PDE4D: variants seen among roughly 807,000 people sequenced by gnomAD.
PDE4D encodes phosphodiesterase 4D, also known as 3',5'-cyclic-AMP phosphodiesterase 4D.
In PDE4D, 24 loss-of-function variants were observed where a neutral mutation model predicts 87.4. The observed-to-expected ratio is 0.27, with a 90% CI of 0.20 to 0.39. The LOEUF (loss-of-function observed/expected upper bound fraction) is 0.39, where lower values mean the gene tolerates loss of function less well. Ranked by LOEUF, PDE4D falls within the 10% of genes least tolerant of loss-of-function variation. PDE4D has a pLI of 1.00. For missense variants in PDE4D, 714 were observed against 1,041.0 expected (o/e 0.69, Z 4.32); for synonymous variants, 384 against 383.2 (o/e 1.00, Z -0.02).
chr5:59,267,012 CAA>C (rs1429422770), intron 1 of PDE4D, among the ~76,000 whole-genome samples: 1 of 150,006 alleles, frequency 6.7e-6, no homozygotes. Context: ...CATTGTCTGT[CAA>C]AGAGTAGATG....
At chr5:60,150,145 T>C (rs1781383818) in intron 2 of PDE4D, among the ~76,000 whole-genome samples, 2 of 151,120 alleles carry the variant, frequency 1.3e-5, no homozygotes, top group South Asian at 4.2e-4. Flanking sequence ...AAATGGACTA[T>C]ATAATATTCT....
chr5:58,973,527 A>AGCAAAACGTTATTAGGAGATACTAAGTAG lies in PDE4D; in HGVS notation c.*1108_*1136dup, dbSNP rs1742991005. ...TTGTGAAATGAACATCTAGTGACACAGCAAAACGTTATTAGGAGATACTAA... is the reference window on the plus strand; with the variant it reads ...TTGTGAAATGAACATCTAGTGACACAGCAAAACGTTATTAGGAGATACTAAGTAGGCAAAACGTTATTAGGAGATACTAA... On this transcript the variant is annotated 3_prime_UTR_variant, in exon 15 of 15. Coordinates refer to ENST00000340635, the MANE Select transcript of PDE4D (RefSeq NM_001104631.2). 6.6e-6 allele frequency: 1 copy of AGCAAAACGTTATTAGGAGATACTAAGTAG among 152,602 alleles called. No homozygotes were observed. Among genetic ancestry groups the AGCAAAACGTTATTAGGAGATACTAAGTAG allele is most frequent in the Non-Finnish European group, 1.5e-5 (1 of 68,006 alleles). 9.5% of individuals were successfully genotyped at this position (152,602 alleles called of 1,614,324 possible).
At chr5:59,056,243 C>T (rs559568520) in intron 5 of PDE4D, among the ~76,000 whole-genome samples, 3 of 152,210 alleles carry the variant, frequency 2.0e-5, no homozygotes, top group South Asian at 4.2e-4. Context: ...ATGCACAAAA[C>T]AGTCTTTTCT....
chr5:59,732,062 A>T (rs1757433057), intron 1 of PDE4D, among the ~76,000 whole-genome samples: 1 of 152,210 alleles, frequency 6.6e-6, no homozygotes. Flanking sequence ...AAATCTGTCT[A>T]GATAGATCAC....
At chr5:59,605,104 T>C (rs951618906) in intron 1 of PDE4D, among the ~76,000 whole-genome samples, 4 of 152,030 alleles carry the variant, frequency 2.6e-5, no homozygotes, top group Admixed American at 6.6e-5. Context: ...CCCGTAAACA[T>C]GTAACAGGGT....
At chr5:59,747,245 C>T (rs1759746828) in intron 1 of PDE4D, among the ~76,000 whole-genome samples, 1 of 152,154 alleles carries the variant, frequency 6.6e-6, no homozygotes, top group Admixed American at 6.6e-5. Flanking sequence ...CCCAATGAGT[C>T]CTCCAGTGCA....
chr5:60,478,867 T>C (rs1689502895), intron 1 of PDE4D, among the ~76,000 whole-genome samples: 1 of 152,198 alleles, frequency 6.6e-6, no homozygotes, highest in Non-Finnish European at 1.5e-5. Flanking sequence ...TCCATAAACA[T>C]ACACATCTTT....
At chr5:60,416,819 C>A (rs911709912) in intron 1 of PDE4D, among the ~76,000 whole-genome samples, 18 of 152,186 alleles carry the variant, frequency 1.2e-4, no homozygotes, top group African/African-American at 4.1e-4. Flanking sequence ...GCTTGGGAAT[C>A]TGAATAACTT....
intron 2 of PDE4D, among the ~76,000 whole-genome samples, chr5:60,134,007 T>G (rs1779814669): frequency 6.6e-6 from 1 of 151,856 alleles, no homozygotes; most frequent in South Asian, 2.1e-4. Flanking sequence ...CATAGATACC[T>G]TCTTATCTCA....
At chr5:59,962,625 C>G (rs1759600605) in intron 3 of PDE4D, among the ~76,000 whole-genome samples, 1 of 151,982 alleles carries the variant, frequency 6.6e-6, no homozygotes, top group African/African-American at 2.4e-5. Context: ...AATCAACAAT[C>G]CTGAAGAAAA....
chr5:59,715,398 A>G (rs561146541), intron 1 of PDE4D, among the ~76,000 whole-genome samples: 3 of 152,258 alleles, frequency 2.0e-5, no homozygotes, highest in Non-Finnish European at 2.9e-5. Flanking sequence ...ATCCCCCCCT[A>G]TGCCCGATGG....
chr5:59,111,528 T>C (rs1378627406), intron 5 of PDE4D, among the ~76,000 whole-genome samples: 2 of 152,204 alleles, frequency 1.3e-5, no homozygotes, highest in African/African-American at 2.4e-5. Context: ...TGGCCATTTA[T>C]ACAAATTCAG....
intron 1 of PDE4D, among the ~76,000 whole-genome samples, chr5:59,616,656 T>G (rs1829706328): frequency 6.6e-6 from 1 of 152,000 alleles, no homozygotes; most frequent in Admixed American, 6.6e-5. Flanking sequence ...TTTTCAAATT[T>G]TATCCATGAA....
intron 5 of PDE4D, among the ~76,000 whole-genome samples, chr5:59,177,312 T>A (rs910240854): frequency 2.0e-5 from 3 of 152,212 alleles, no homozygotes; most frequent in African/African-American, 7.2e-5. Context: ...AAATTTGTGT[T>A]GTCTATAAGC....
chr5:59,206,715 G>A (rs1748870419), intron 2 of PDE4D, among the ~76,000 whole-genome samples: 1 of 152,198 alleles, frequency 6.6e-6, no homozygotes, highest in Non-Finnish European at 1.5e-5. Context: ...CTGGCATGGA[G>A]TAGGTGCTAC....
intron 1 of PDE4D, among the ~76,000 whole-genome samples, chr5:60,274,377 G>A (rs201046137): frequency 5.3e-5 from 8 of 152,060 alleles, no homozygotes; most frequent in South Asian, 2.1e-4. Context: ...GTTTTGAGAC[G>A]GAGTCTTGCT....
chr5:60,048,785 G>T (rs1769679104), intron 2 of PDE4D, among the ~76,000 whole-genome samples: 1 of 152,112 alleles, frequency 6.6e-6, no homozygotes, highest in Non-Finnish European at 1.5e-5. Flanking sequence ...CTTTCTCTCT[G>T]GCTGCCCTTA....
chr5:59,704,395 T>C (rs1413633172), intron 1 of PDE4D, among the ~76,000 whole-genome samples: 1 of 152,200 alleles, frequency 6.6e-6, no homozygotes, highest in Non-Finnish European at 1.5e-5. Flanking sequence ...TCATCTACAA[T>C]GATGACACCA....
intron 5 of PDE4D, among the ~76,000 whole-genome samples, chr5:59,072,316 C>A (rs1764983148): frequency 6.6e-6 from 1 of 152,190 alleles, no homozygotes. Flanking sequence ...AAGGTTGGGA[C>A]TTTCAACCTT....
Sources: allele counts gnomAD v4.1 joint callset (sites outside exome capture counted in the v4.1 genomes callset), GRCh38; gene constraint gnomAD v4.1.1; transcripts MANE v1.5; gene names NCBI Gene and HGNC (gene_info 2026-07-23, HGNC 2026-07-21).